The following NOS1AP variants were observed in gnomAD, a reference collection of about 807,000 sequenced individuals.
NOS1AP encodes the protein carboxyl-terminal PDZ ligand of neuronal nitric oxide synthase protein.
NOS1AP carries 21 observed loss-of-function variants against 56.2 expected under a neutral mutation model. The observed-to-expected ratio is 0.37, with a 90% CI of 0.26 to 0.54. NOS1AP has a LOEUF of 0.54. Ranked by LOEUF, NOS1AP falls within the 20% of genes least tolerant of loss-of-function variation. NOS1AP has a pLI of 0.84. For missense variants in NOS1AP, 522 were observed against 657.8 expected (o/e 0.79, Z 2.26); for synonymous variants, 270 against 274.6 (o/e 0.98, Z 0.17).
chr1:162,340,276 A>G (rs1028555263), intron 5 of NOS1AP, among the ~76,000 whole-genome samples: 3 of 152,196 alleles, frequency 2.0e-5, no homozygotes, highest in Admixed American at 2.0e-4. Flanking sequence ...CAGTATGCAG[A>G]TCTAGAACTC....
At chr1:162,364,398 A>G in intron 8 of NOS1AP, 1 of 985,428 alleles carries the variant, frequency 1.0e-6, no homozygotes, top group Non-Finnish European at 1.2e-6. Context: ...ACTTCTTTGC[A>G]CAAGAATCAC....
chr1:162,362,927 T>C (rs977936156), intron 8 of NOS1AP: 1 of 974,606 alleles, frequency 1.0e-6, no homozygotes, highest in Non-Finnish European at 1.2e-6. Flanking sequence ...CCCTGTTGAG[T>C]GGATATAGGA....
At chr1:162,187,425 T>C (rs1439880442) in intron 2 of NOS1AP, among the ~76,000 whole-genome samples, 2 of 152,240 alleles carry the variant, frequency 1.3e-5, no homozygotes, top group Non-Finnish European at 2.9e-5. Flanking sequence ...TTTTTTGACA[T>C]TTAGCTTGTT....
At chr1:162,189,190 G>T (rs964237974) in intron 2 of NOS1AP, among the ~76,000 whole-genome samples, 1 of 152,174 alleles carries the variant, frequency 6.6e-6, no homozygotes, top group African/African-American at 2.4e-5. Context: ...GGAGGTCTAA[G>T]AACAGTTTTT....
In NOS1AP at chr1:162,369,480, C is replaced by G. The variant is rs945035242; in HGVS notation, c.*2013C>G. The G allele has an allele frequency of 2.0e-5, 3 of 152,294 alleles. No homozygotes were observed. Among genetic ancestry groups the G allele is most frequent in the South Asian group, 4.2e-4 (2 of 4,818 alleles). The allele number at this position is 152,294 out of a possible 1,614,324, so 9.4% of individuals were successfully genotyped here. On this transcript the variant is annotated 3_prime_UTR_variant, in exon 10 of 10. Coordinates refer to ENST00000361897, the MANE Select transcript of NOS1AP (RefSeq NM_014697.3). ...GAAAAGTCTGTTTTCTGACGTAAGC[C>G]GGAGCTGAGGATAAAGCCAGAGGCC...
intron 1 of NOS1AP, among the ~76,000 whole-genome samples, chr1:162,080,860 A>G (rs61809592): frequency 0.038 from 5,850 of 152,306 alleles, 151 homozygotes; most frequent in Non-Finnish European, 0.054. Context: ...AGCTCTTTCT[A>G]TGAAACGATT....
intron 2 of NOS1AP, among the ~76,000 whole-genome samples, chr1:162,240,244 A>AGTGTGTGTGTGTGT (rs5778260): frequency 0.026 from 3,636 of 141,218 alleles, 162 homozygotes; most frequent in African/African-American, 0.089. Flanking sequence ...CTGTGTGGCC[A>AGTGTGTGTGTGTGT]GTGTGTGTGT....
chr1:162,169,571 G>A (rs528303203), intron 2 of NOS1AP, among the ~76,000 whole-genome samples: 1 of 152,304 alleles, frequency 6.6e-6, no homozygotes, highest in African/African-American at 2.4e-5. Flanking sequence ...TTTCTCCTCA[G>A]TGTGCATGCA....
chr1:162,182,566 G>A (rs1183023520), intron 2 of NOS1AP, among the ~76,000 whole-genome samples: 1 of 152,172 alleles, frequency 6.6e-6, no homozygotes, highest in Non-Finnish European at 1.5e-5. Context: ...CTATTTGATA[G>A]CATTACAGTA....
intron 1 of NOS1AP, among the ~76,000 whole-genome samples, chr1:162,093,450 CA>C (rs1448520618): frequency 6.6e-6 from 1 of 152,134 alleles, no homozygotes; most frequent in African/African-American, 2.4e-5. Context: ...TTTTCATATT[CA>C]GGCAGTATTT....
intron 2 of NOS1AP, among the ~76,000 whole-genome samples, chr1:162,284,988 G>A (rs1015910743): frequency 6.6e-6 from 1 of 152,212 alleles, no homozygotes; most frequent in Non-Finnish European, 1.5e-5. Context: ...GGAGAATGAT[G>A]TAGTGTTTTG....
intron 1 of NOS1AP, among the ~76,000 whole-genome samples, chr1:162,100,274 C>T (rs1484185509): frequency 6.6e-6 from 1 of 151,494 alleles, no homozygotes; most frequent in African/African-American, 2.4e-5. Context: ...TCCTATTTCT[C>T]CACATCCTCT....
At chr1:162,242,527 T>C (rs1475622499) in intron 2 of NOS1AP, among the ~76,000 whole-genome samples, 9 of 152,176 alleles carry the variant, frequency 5.9e-5, no homozygotes, top group Non-Finnish European at 1.3e-4. Context: ...CAGCTGTGGA[T>C]TGAGCCATCT....
chr1:162,320,652 G>A (rs1025058562), intron 4 of NOS1AP, among the ~76,000 whole-genome samples: 3 of 152,054 alleles, frequency 2.0e-5, no homozygotes, highest in East Asian at 1.9e-4. Context: ...TCAAGAGATC[G>A]AGACCATCCT....
In NOS1AP at chr1:162,190,350, T is replaced by C. The variant is rs1651580877; in HGVS notation, c.177+35874T>C. ...AGATTTCTTTCTTCTCTGAACACAT[T>C]TTTTTTAAATTTTATTTTATTTTAT... On this transcript the variant is annotated intron_variant, in intron 2 of 9. Coordinates refer to ENST00000361897, the MANE Select transcript of NOS1AP (RefSeq NM_014697.3). Among the ~76,000 whole-genome samples the C allele has an allele frequency of 2.8e-5, 3 of 108,838 alleles. No individual in the cohort carries two copies. In the South Asian group the frequency reaches 9.9e-4, roughly 36 times the overall value. The allele number at this position is 108,838 out of a possible 152,430, so 71.4% of individuals were successfully genotyped here. A position where few individuals can be genotyped will look rare whatever the true frequency, so the allele number is the denominator to read the frequency against.
In NOS1AP at chr1:162,364,089, A is replaced by G. The variant is rs1267191676; in HGVS notation, c.940-1315A>G. 4 of 985,320 alleles carry G rather than the reference A, an allele frequency of 4.1e-6. No homozygotes were observed. The East Asian group carries it at 3.4e-4, about 84-fold the overall frequency. The allele number at this position is 985,320 out of a possible 1,614,324, so 61.0% of individuals were successfully genotyped here. On this transcript the variant is annotated intron_variant, in intron 8 of 9. Transcript: ENST00000361897. ...CAAGGGTGGCCAACTGTGAGGTAGC[A>G]CTGCCCTTTACTCCCTAAAAAAATG... is the stretch of plus-strand genomic sequence containing the variant.
intron 2 of NOS1AP, among the ~76,000 whole-genome samples, chr1:162,207,883 T>A (rs1557833125): frequency 6.6e-6 from 1 of 152,258 alleles, no homozygotes; most frequent in South Asian, 2.1e-4. Flanking sequence ...TTAACTTTTT[T>A]AAAAATAAAG....
intron 1 of NOS1AP, among the ~76,000 whole-genome samples, chr1:162,086,454 C>T (rs1281591204): frequency 6.6e-6 from 1 of 152,170 alleles, no homozygotes; most frequent in African/African-American, 2.4e-5. Flanking sequence ...GAGTAGCTTT[C>T]CCTGGCTGGT....
intron 2 of NOS1AP, among the ~76,000 whole-genome samples, chr1:162,276,060 A>G (rs755474978): frequency 6.6e-6 from 1 of 152,218 alleles, no homozygotes; most frequent in Non-Finnish European, 1.5e-5. Flanking sequence ...AGAGAGTTGC[A>G]TAGTTGCAAC....
Sources: allele counts gnomAD v4.1 joint callset (sites outside exome capture counted in the v4.1 genomes callset), GRCh38; gene constraint gnomAD v4.1.1; transcripts MANE v1.5; gene names NCBI Gene and HGNC (gene_info 2026-07-23, HGNC 2026-07-21).